TYR: variants seen among roughly 807,000 people sequenced by gnomAD.
The protein encoded by TYR is LB24-AB.
TYR carries 58 observed loss-of-function variants against 51.5 expected under a neutral mutation model. The observed-to-expected ratio is 1.13, with a 90% CI of 0.91 to 1.40. The LOEUF (loss-of-function observed/expected upper bound fraction) is 1.40. Among genes scored for constraint, TYR ranks in the 40% most tolerant of loss-of-function variants. TYR has a pLI of 0.00. For synonymous variants in TYR, 263 were observed against 235.2 expected (o/e 1.12, Z -1.08); for missense variants, 732 against 647.4 (o/e 1.13, Z -1.42).
In TYR at chr11:89,232,756, G is replaced by A. The variant is rs888837943; in HGVS notation, c.1184+4786G>A. On this transcript the variant is annotated intron_variant, in intron 3 of 4. Coordinates refer to ENST00000263321, the MANE Select transcript of TYR (RefSeq NM_000372.5). ...AAAATTATGTTTATACTTTAATGTA[G>A]ATTATTAAGTGTACAATCTCATTAT... Among the ~76,000 whole-genome samples the A allele has an allele frequency of 6.3e-5, 9 of 142,428 alleles. 2 individuals carry two copies. The highest frequency in any genetic ancestry group is 3.0e-5 in the Non-Finnish European group (2 of 66,486). The allele number at this position is 142,428 out of a possible 152,430, so 93.4% of individuals were successfully genotyped here. A position where few individuals can be genotyped will look rare whatever the true frequency, so the allele number is the denominator to read the frequency against.
chr11:89,196,594 T>A (rs1943522691), intron 2 of TYR, among the ~76,000 whole-genome samples: 1 of 152,096 alleles, frequency 6.6e-6, no homozygotes, highest in South Asian at 2.1e-4. Context: ...CCAAGAATAG[T>A]GTAAAATCAA....
intron 3 of TYR, among the ~76,000 whole-genome samples, chr11:89,264,001 C>G (rs1288647037): frequency 6.6e-6 from 1 of 152,060 alleles, no homozygotes; most frequent in Non-Finnish European, 1.5e-5. Context: ...CAGAGCCTCA[C>G]TGCTCTTAAT....
At chr11:89,235,600 G>A (rs1328196930) in intron 3 of TYR, among the ~76,000 whole-genome samples, 4 of 152,104 alleles carry the variant, frequency 2.6e-5, no homozygotes, top group South Asian at 2.1e-4. Flanking sequence ...AATCTCTTTA[G>A]ATGCAGAATC....
At chr11:89,219,399 C>T (rs971057374) in intron 2 of TYR, among the ~76,000 whole-genome samples, 9 of 150,568 alleles carry the variant, frequency 6.0e-5, no homozygotes, top group East Asian at 2.0e-4. Context: ...CAGGTTCAAA[C>T]GATTCTCCTG....
intron 1 of TYR, among the ~76,000 whole-genome samples, chr11:89,182,374 C>A (rs1943311952): frequency 6.6e-6 from 1 of 152,064 alleles, no homozygotes; most frequent in Non-Finnish European, 1.5e-5. Flanking sequence ...ACTGGATTCC[C>A]AATGCCAAGG....
At chr11:89,252,866 T>C (rs1197058601) in intron 3 of TYR, among the ~76,000 whole-genome samples, 1 of 151,752 alleles carries the variant, frequency 6.6e-6, no homozygotes, top group Non-Finnish European at 1.5e-5. Context: ...TCCTTTGTTA[T>C]GTCATTTAAT....
At position 89,227,957 on chromosome 11, in the gene TYR, G is replaced by T; in HGVS notation, c.1171G>T (p.Ala391Ser). 1.2e-6 allele frequency: 2 copies of T among 1,613,342 alleles called. No homozygotes were observed. Among genetic ancestry groups the T allele is most frequent in the Non-Finnish European group, 1.7e-6 (2 of 1,179,638 alleles). Reference sequence around the variant, plus strand: ...CGATCCTATCTTCCTTCTTCACCATGCATTTGTTGACAGGTTGGTTAATAT... The same window carrying T: ...CGATCCTATCTTCCTTCTTCACCATTCATTTGTTGACAGGTTGGTTAATAT... ...ANDPIFLLHH[A>S]FVDSIFEQWL... is the part of the protein sequence containing the mutation. The change falls in exon 3 of 5, where the codon GCA becomes TCA. Residue 391 changes from alanine to serine, a missense_variant. Transcript: ENST00000263321.
chr11:89,222,493 C>A (rs557870571), intron 2 of TYR, among the ~76,000 whole-genome samples: 16 of 152,268 alleles, frequency 1.1e-4, no homozygotes, highest in Admixed American at 2.6e-4. Flanking sequence ...AATCCCAGCA[C>A]TTTGGGAGGC....
At chr11:89,279,235 C>G (rs1253943545) in intron 3 of TYR, among the ~76,000 whole-genome samples, 2 of 151,720 alleles carry the variant, frequency 1.3e-5, no homozygotes, top group Non-Finnish European at 3.0e-5. Context: ...TAGAACCTTT[C>G]TTTTCCAAAA....
At chr11:89,192,506 T>C (rs755728951) in intron 2 of TYR, among the ~76,000 whole-genome samples, 2 of 152,086 alleles carry the variant, frequency 1.3e-5, no homozygotes, top group Non-Finnish European at 2.9e-5. Context: ...GTTCTTTTTT[T>C]TTCCTTTTTG....
chr11:89,208,548 T>C (rs767629636), intron 2 of TYR, among the ~76,000 whole-genome samples: 53 of 152,230 alleles, frequency 3.5e-4, no homozygotes, highest in Admixed American at 9.8e-4. Flanking sequence ...TTTTACATTA[T>C]ACAAACAGCT....
At chr11:89,220,753 T>C (rs1368863485) in intron 2 of TYR, among the ~76,000 whole-genome samples, 1 of 151,666 alleles carries the variant, frequency 6.6e-6, no homozygotes, top group Admixed American at 6.6e-5. Context: ...CGAAACTCCG[T>C]CTCAAAAAAA....
chr11:89,256,467 A>ATG (rs5793398), intron 3 of TYR, among the ~76,000 whole-genome samples: 79 of 149,700 alleles, frequency 5.3e-4, no homozygotes, highest in East Asian at 3.3e-3. Context: ...ACTTGTGTAT[A>ATG]TGTGTGTGTG....
intron 3 of TYR, chr11:89,283,639 A>G (rs1001652922): frequency 9.2e-5 from 14 of 151,792 alleles, no homozygotes; most frequent in Admixed American, 9.2e-4. Flanking sequence ...GAAAACACAG[A>G]GCTAGGCCTC....
chr11:89,241,831 A>G (rs549673182), intron 3 of TYR, among the ~76,000 whole-genome samples: 2 of 147,420 alleles, frequency 1.4e-5, no homozygotes, highest in South Asian at 2.1e-4. Flanking sequence ...TACTATACAT[A>G]TATATATTTC....
At chr11:89,215,195 G>C (rs1464404727) in intron 2 of TYR, among the ~76,000 whole-genome samples, 1 of 152,086 alleles carries the variant, frequency 6.6e-6, no homozygotes, top group Non-Finnish European at 1.5e-5. Context: ...AATTACTTGG[G>C]AGAAGCTTGC....
At chr11:89,264,757 A>G (rs1412767893) in intron 3 of TYR, among the ~76,000 whole-genome samples, 1 of 151,252 alleles carries the variant, frequency 6.6e-6, no homozygotes, top group African/African-American at 2.4e-5. Context: ...ACAAACAAAC[A>G]AACGAGATCA....
chr11:89,238,609 G>A (rs74525448), intron 3 of TYR, among the ~76,000 whole-genome samples: 2,980 of 152,164 alleles, frequency 0.02, 116 homozygotes, highest in African/African-American at 0.069. Context: ...CTCTAGCTAG[G>A]ACTTACAGTA....
chr11:89,224,181 G>C (rs1464848845), intron 2 of TYR, among the ~76,000 whole-genome samples: 2 of 152,124 alleles, frequency 1.3e-5, no homozygotes, highest in Non-Finnish European at 2.9e-5. Flanking sequence ...TTTGCATTGA[G>C]AGTGCACCAT....
Sources: gnomAD v4.1 joint callset for allele counts (sites outside exome capture counted in the v4.1 genomes callset) on GRCh38, gnomAD v4.1.1 for gene constraint, MANE v1.5 for transcripts, NCBI Gene and HGNC (gene_info 2026-07-23, HGNC 2026-07-21) for gene names.